Variants in SLCO3A1 observed in about 807,000 individuals in gnomAD.
SLCO3A1 encodes the protein PGE1 transporter.
SLCO3A1 carries 27 observed loss-of-function variants against 63.1 expected under a neutral mutation model. The ratio of observed to expected loss-of-function variants is 0.43; its 90% CI spans 0.32 to 0.59. The LOEUF is 0.59. Among genes scored for constraint, SLCO3A1 ranks in the 20% least tolerant of loss-of-function variants. The pLI, the probability that SLCO3A1 is intolerant of heterozygous loss-of-function variation, is 0.09. For synonymous variants in SLCO3A1, 473 were observed against 409.9 expected, an observed-to-expected ratio of 1.15 and a Z score of -1.86; for missense variants, 773 against 945.8, an observed-to-expected ratio of 0.82 and a Z score of 2.40.
At chr15:91,915,313 A>G (rs905775085) in intron 1 of SLCO3A1, among the ~76,000 whole-genome samples, 1 of 152,156 alleles carries the variant, frequency 6.6e-6, no homozygotes, top group African/African-American at 2.4e-5. Flanking sequence ...ACAAGAATAC[A>G]AAAAAACGGG....
chr15:92,100,954 T>C (rs1046947984), intron 3 of SLCO3A1, among the ~76,000 whole-genome samples: 1 of 152,182 alleles, frequency 6.6e-6, no homozygotes, highest in Non-Finnish European at 1.5e-5. Flanking sequence ...GTCCCCTTGC[T>C]CACATTTCAC....
intron 9 of SLCO3A1, among the ~76,000 whole-genome samples, chr15:92,158,219 G>A (rs2048395774): frequency 6.6e-6 from 1 of 152,124 alleles, no homozygotes; most frequent in Admixed American, 6.5e-5. Context: ...CAAACCCCCT[G>A]TGTGTTTCAC....
At chr15:91,930,920 T>A (rs1411670717) in intron 2 of SLCO3A1, among the ~76,000 whole-genome samples, 1 of 152,186 alleles carries the variant, frequency 6.6e-6, no homozygotes, top group Admixed American at 6.5e-5. Flanking sequence ...CTCACAATAT[T>A]CTCAACTACT....
intron 3 of SLCO3A1, among the ~76,000 whole-genome samples, chr15:92,097,495 G>A (rs564463112): frequency 5.4e-4 from 82 of 152,268 alleles, no homozygotes; most frequent in South Asian, 2.1e-3. Context: ...TACTGTGTTC[G>A]GCATCTCTGT....
chr15:92,160,974 A>C (rs1341673185), intron 9 of SLCO3A1, among the ~76,000 whole-genome samples: 1 of 152,142 alleles, frequency 6.6e-6, no homozygotes, highest in Non-Finnish European at 1.5e-5. Context: ...GGGTAGGTGC[A>C]TTTTGCTGGG....
chr15:92,032,725 T>A (rs1443698295), intron 2 of SLCO3A1, among the ~76,000 whole-genome samples: 1 of 152,138 alleles, frequency 6.6e-6, no homozygotes, highest in Non-Finnish European at 1.5e-5. Context: ...GCGATGCTCC[T>A]GGCAAAATTT....
rs1479171768 is a variant in SLCO3A1, at chr15:91,857,065, TGTGTGAGA to T, written c.180+2979_180+2986del. Among the ~76,000 whole-genome samples, 33 of 137,836 alleles carry T rather than the reference TGTGTGAGA, an allele frequency of 2.4e-4. 4 individuals are homozygous for T. The highest frequency in any genetic ancestry group is 1.6e-3 in the Admixed American group (22 of 14,052). The allele number at this position is 137,836 out of a possible 152,430, so 90.4% of individuals were successfully genotyped here. ...GTGTGTGTGTGTGTGTGTGTGTGTG[TGTGTGAGA>T]GAGAGAGAGAGAAAATGTGTGTGTG... On this transcript the variant is annotated intron_variant, in intron 1 of 9. Transcript: ENST00000318445.
chr15:92,125,018 C>T (rs1446763684), intron 5 of SLCO3A1, among the ~76,000 whole-genome samples: 1 of 152,178 alleles, frequency 6.6e-6, no homozygotes, highest in Non-Finnish European at 1.5e-5. Flanking sequence ...AGCACAGATA[C>T]TCCAAGAGCA....
chr15:92,150,805 C>G (rs1174321663), intron 8 of SLCO3A1, 145 bp from the exon 9 acceptor site: 1 of 521,332 alleles, frequency 1.9e-6, no homozygotes, highest in Non-Finnish European at 3.4e-6. Context: ...AAAAAAGACA[C>G]TATTAGTAAT....
At chr15:91,930,147 C>T (rs1899173602) in intron 2 of SLCO3A1, among the ~76,000 whole-genome samples, 1 of 152,214 alleles carries the variant, frequency 6.6e-6, no homozygotes, top group African/African-American at 2.4e-5. Flanking sequence ...TCCCCTCTCT[C>T]TTCCTGCATT....
chr15:91,947,745 C>T (rs974872548), intron 2 of SLCO3A1, among the ~76,000 whole-genome samples: 10 of 152,312 alleles, frequency 6.6e-5, no homozygotes, highest in African/African-American at 1.2e-4. Flanking sequence ...AGCAGCTAGA[C>T]GGGGCAGGTT....
At chr15:91,993,985 G>T (rs1216772615) in intron 2 of SLCO3A1, among the ~76,000 whole-genome samples, 4 of 152,152 alleles carry the variant, frequency 2.6e-5, no homozygotes, top group Non-Finnish European at 4.4e-5. Flanking sequence ...AGGTCTTCCA[G>T]CCCCAGGCAA....
chr15:92,057,826 C>T (rs923063474), intron 2 of SLCO3A1, among the ~76,000 whole-genome samples: 1 of 152,154 alleles, frequency 6.6e-6, no homozygotes, highest in African/African-American at 2.4e-5. Flanking sequence ...GCCTTGCCCT[C>T]GGCGACACCA....
At chr15:92,093,155 C>T (rs1389346588) in intron 2 of SLCO3A1, among the ~76,000 whole-genome samples, 1 of 152,168 alleles carries the variant, frequency 6.6e-6, no homozygotes, top group East Asian at 1.9e-4. Context: ...TAAAGAAATA[C>T]CTGAGGCTGG....
rs1222304097 is a variant in SLCO3A1 at position 92,163,197 on chromosome 15, G to A, written c.*62G>A. On this transcript the variant is annotated 3_prime_UTR_variant, in exon 10 of 10. Transcript: ENST00000318445. ...AAGGGTCATTTTTTTCTTAAAAAAAGAAAAAAAGGTTCCAAAAAAAACCAA... is the reference window on the plus strand; with the variant it reads ...AAGGGTCATTTTTTTCTTAAAAAAAAAAAAAAAGGTTCCAAAAAAAACCAA... 1.4e-6 allele frequency: 2 copies of A among 1,429,020 alleles called. No homozygotes were observed. The highest frequency in any genetic ancestry group is 2.5e-5 in the East Asian group (1 of 39,502). 88.5% of individuals were successfully genotyped at this position (1,429,020 alleles called of 1,614,324 possible).
At chr15:91,985,805 G>T (rs1484500282) in intron 2 of SLCO3A1, among the ~76,000 whole-genome samples, 2 of 152,328 alleles carry the variant, frequency 1.3e-5, no homozygotes, top group East Asian at 3.9e-4. Flanking sequence ...GCAGAAGGTG[G>T]CCTGAAGGGG....
intron 2 of SLCO3A1, among the ~76,000 whole-genome samples, chr15:92,037,983 G>C (rs1031802817): frequency 6.6e-6 from 1 of 152,204 alleles, no homozygotes; most frequent in Non-Finnish European, 1.5e-5. Context: ...AATCTCACAT[G>C]TATAGTAGTG....
At chr15:91,982,232 T>G (rs2045997149) in intron 2 of SLCO3A1, among the ~76,000 whole-genome samples, 1 of 152,252 alleles carries the variant, frequency 6.6e-6, no homozygotes, top group Admixed American at 6.5e-5. Flanking sequence ...GAGTGTGGCT[T>G]CTTATTTTGC....
intron 2 of SLCO3A1, among the ~76,000 whole-genome samples, chr15:91,927,554 ACGGCCTCCTATTT>A (rs1381137090): frequency 6.6e-6 from 1 of 152,112 alleles, no homozygotes; most frequent in Non-Finnish European, 1.5e-5. Flanking sequence ...ATTTTATACC[ACGGCCTCCTATTT>A]CGGGTGTCGG....
Sources: gnomAD v4.1 joint callset for allele counts (sites outside exome capture counted in the v4.1 genomes callset) on GRCh38, gnomAD v4.1.1 for gene constraint, MANE v1.5 for transcripts, NCBI Gene and HGNC (gene_info 2026-07-23, HGNC 2026-07-21) for gene names.